The following DPY19L3 variants were observed in gnomAD, a reference collection of about 807,000 sequenced individuals.
The protein encoded by DPY19L3 is dpy-19 like C-mannosyltransferase 3.
Under a neutral mutation model 92.3 loss-of-function variants are expected in DPY19L3, and 51 were observed. The observed-to-expected ratio is 0.55, with a 90% CI of 0.44 to 0.70. The LOEUF (loss-of-function observed/expected upper bound fraction) is 0.70, where lower values mean the gene tolerates loss of function less well. Ranked by LOEUF, DPY19L3 falls within the 30% of genes least tolerant of loss-of-function variation. The pLI, the probability that DPY19L3 is intolerant of heterozygous loss-of-function variation, is 0.00. For synonymous variants in DPY19L3, 309 were observed against 315.2 expected (o/e 0.98, Z 0.21); for missense variants, 706 against 855.9 (o/e 0.82, Z 2.18).
chr19:32,431,319 A>C (rs1004791195), intron 3 of DPY19L3, among the ~76,000 whole-genome samples: 3 of 151,912 alleles, frequency 2.0e-5, no homozygotes, highest in African/African-American at 7.3e-5. Flanking sequence ...TGGAGGTTGC[A>C]GTGAGCCGAG....
At chr19:32,468,552 G>A in intron 15 of DPY19L3, 179 bp from the exon 16 acceptor site, 7 of 1,250,434 alleles carry the variant, frequency 5.6e-6, no homozygotes, top group Non-Finnish European at 7.1e-6. Flanking sequence ...AACTTCCCAG[G>A]CGCTAGTTCC....
At chr19:32,449,630 A>G (rs1969631909) in intron 8 of DPY19L3, among the ~76,000 whole-genome samples, 1 of 152,318 alleles carries the variant, frequency 6.6e-6, no homozygotes, top group Admixed American at 6.5e-5. Flanking sequence ...AGAAATGGTC[A>G]ATTAATTTTC....
chr19:32,448,079 C>T (rs1170145420), intron 8 of DPY19L3, among the ~76,000 whole-genome samples: 5 of 151,980 alleles, frequency 3.3e-5, no homozygotes, highest in Non-Finnish European at 5.9e-5. Context: ...GTAACGAAAC[C>T]GTACTTATAT....
intron 3 of DPY19L3, among the ~76,000 whole-genome samples, chr19:32,418,622 C>A (rs1968457508): frequency 6.6e-6 from 1 of 152,194 alleles, no homozygotes; most frequent in African/African-American, 2.4e-5. Context: ...GTGTATATTC[C>A]TTTATAAATC....
intron 3 of DPY19L3, among the ~76,000 whole-genome samples, chr19:32,431,832 G>T (rs1968979605): frequency 6.6e-6 from 1 of 152,096 alleles, no homozygotes; most frequent in African/African-American, 2.4e-5. Flanking sequence ...AATTTACATG[G>T]TGCCTTTATA....
At chr19:32,433,570 A>G (rs1162892758) in intron 4 of DPY19L3, among the ~76,000 whole-genome samples, 1 of 151,908 alleles carries the variant, frequency 6.6e-6, no homozygotes, top group Non-Finnish European at 1.5e-5. Flanking sequence ...GGTGTGCACT[A>G]CCACGTTCAT....
rs753400772 is a variant in DPY19L3, at chr19:32,482,236, A to G, written c.2147A>G (p.Lys716Arg). ...CACGTTTACAAGCTGTCCAGAAACA[A>G]GTAGCGCAGATTTCTGCCCAGTGTC... is the stretch of plus-strand genomic sequence containing the variant. ...TFHVYKLSRN[K>R] Residue 716 changes from lysine to arginine, a missense_variant, in exon 19 of 19, where the codon AAG becomes AGG. By Grantham distance (26) the Lys-to-Arg change is conservative. Transcript: ENST00000392250. 6.2e-7 allele frequency: 1 copy of G among 1,610,694 alleles called. No homozygotes were observed. Among genetic ancestry groups the G allele is most frequent in the African/African-American group, 1.3e-5 (1 of 74,630 alleles).
At chr19:32,449,231 A>C (rs571327848) in intron 8 of DPY19L3, among the ~76,000 whole-genome samples, 73 of 152,342 alleles carry the variant, frequency 4.8e-4, no homozygotes, top group African/African-American at 1.8e-3. Flanking sequence ...CAAAGTGACA[A>C]TTTACGCTTT....
At chr19:32,471,100 G>T (rs1336316149) in intron 16 of DPY19L3, among the ~76,000 whole-genome samples, 2 of 152,120 alleles carry the variant, frequency 1.3e-5, no homozygotes. Flanking sequence ...GATTTCTTCT[G>T]TTTTTGAAAC....
intron 9 of DPY19L3, 35 bp downstream of exon 9, chr19:32,453,311 C>CT (rs536858783): frequency 5.1e-6 from 8 of 1,568,810 alleles, no homozygotes; most frequent in East Asian, 2.3e-5. Context: ...TCAAAGTAAA[C>CT]TTTTTTTTAA....
At chr19:32,451,600 T>C (rs994827682) in intron 8 of DPY19L3, among the ~76,000 whole-genome samples, 1 of 152,156 alleles carries the variant, frequency 6.6e-6, no homozygotes, top group Non-Finnish European at 1.5e-5. Context: ...ATAAAACGTA[T>C]TTTTCACTTG....
At chr19:32,445,400 C>A (rs1268867756) in intron 8 of DPY19L3, among the ~76,000 whole-genome samples, 1 of 128,606 alleles carries the variant, frequency 7.8e-6, no homozygotes, top group Non-Finnish European at 1.6e-5. Flanking sequence ...TAGATCGCGC[C>A]ACTGCACTCC....
chr19:32,432,295 T>C (rs1296385776), intron 3 of DPY19L3, among the ~76,000 whole-genome samples: 2 of 152,212 alleles, frequency 1.3e-5, no homozygotes, highest in African/African-American at 4.8e-5. Flanking sequence ...AATTCATGTG[T>C]CTGCCTTATT....
intron 17 of DPY19L3, among the ~76,000 whole-genome samples, chr19:32,478,412 T>C (rs371773142): frequency 7.2e-5 from 11 of 152,368 alleles, no homozygotes; most frequent in Admixed American, 4.6e-4. Flanking sequence ...ACGTTTCTTA[T>C]GGACCTTTCT....
chr19:32,460,041 T>C (rs1440745368), intron 12 of DPY19L3, among the ~76,000 whole-genome samples: 2 of 152,150 alleles, frequency 1.3e-5, no homozygotes, highest in Non-Finnish European at 2.9e-5. Context: ...TTACTATGTT[T>C]AATACTGTAG....
At chr19:32,427,762 C>A (rs1050606491) in intron 3 of DPY19L3, among the ~76,000 whole-genome samples, 1 of 152,126 alleles carries the variant, frequency 6.6e-6, no homozygotes, top group African/African-American at 2.4e-5. Flanking sequence ...AGACAATAAA[C>A]CATGTATGTG....
At chr19:32,464,693 A>G (rs1419797430) in intron 14 of DPY19L3, 35 bp from the exon 15 acceptor site, 3 of 1,332,540 alleles carry the variant, frequency 2.3e-6, no homozygotes, top group East Asian at 2.7e-5. Flanking sequence ...AAGGTTCAAA[A>G]TACTTATAAT....
rs201229320 is a variant in DPY19L3, at chr19:32,477,615, G to A, written c.1791G>A (p.Pro597=). 259 of 1,614,096 alleles carry A rather than the reference G, an allele frequency of 1.6e-4. 1 individual carries two copies. The highest frequency in any genetic ancestry group is 5.1e-5 in the Non-Finnish European group (60 of 1,180,010). ...CGGGAAGGACCCTAACCAACCACCC[G>A]CACTATGAAGACAGCAGCCTGAGAG... ...LCTGRTLTNH[P]HYEDSSLRER... The change falls in exon 17 of 19, where the codon CCG becomes CCA. Residue 597 remains proline, a synonymous_variant. Coordinates refer to ENST00000392250, the MANE Select transcript of DPY19L3 (RefSeq NM_001172774.2).
At position 32,479,548 on chromosome 19, in the gene DPY19L3, C is replaced by T. The variant is rs546323139; in HGVS notation, c.1831-851C>T. Reference sequence around the variant, plus strand: ...GTCACAGTAACAGCATCCTACCTCCCTACCATTTCACCCATCCATGTGGAC... The same window carrying T: ...GTCACAGTAACAGCATCCTACCTCCTTACCATTTCACCCATCCATGTGGAC... On this transcript the variant is annotated intron_variant, in intron 17 of 18. Transcript: ENST00000392250. The T allele has an allele frequency of 2.0e-4, 79 of 400,736 alleles. 4 individuals are homozygous for T. The highest frequency in any genetic ancestry group is 1.4e-3 in the South Asian group (76 of 55,100). 24.8% of individuals were successfully genotyped at this position (400,736 alleles called of 1,614,324 possible).
Sources: allele counts gnomAD v4.1 joint callset (sites outside exome capture counted in the v4.1 genomes callset), GRCh38; gene constraint gnomAD v4.1.1; transcripts MANE v1.5; gene names NCBI Gene and HGNC (gene_info 2026-07-23, HGNC 2026-07-21).